DAAM2: variants seen among roughly 807,000 people sequenced by gnomAD.
DAAM2 encodes the protein dishevelled associated activator of morphogenesis 2.
In DAAM2, 39 loss-of-function variants were observed where a neutral mutation model predicts 120.7. The observed-to-expected ratio is 0.32, with a 90% confidence interval of 0.25 to 0.42. The LOEUF (loss-of-function observed/expected upper bound fraction) is 0.42, where lower values mean the gene tolerates loss of function less well. Among genes scored for constraint, DAAM2 ranks in the 10% least tolerant of loss-of-function variants. DAAM2 has a pLI of 1.00. For missense variants in DAAM2, 1,283 were observed against 1,401.7 expected, an observed-to-expected ratio of 0.92 and a Z score of 1.35; for synonymous variants, 488 against 524.9, an observed-to-expected ratio of 0.93 and a Z score of 0.96.
intron 1 of DAAM2, among the ~76,000 whole-genome samples, chr6:39,828,807 C>T (rs1231741469): frequency 4.6e-5 from 7 of 150,900 alleles, no homozygotes; most frequent in East Asian, 2.0e-4. Flanking sequence ...GTGATCTGCC[C>T]GCCTCTGCCT....
At chr6:39,799,179 A>C (rs1477036869) in intron 1 of DAAM2, among the ~76,000 whole-genome samples, 1 of 151,686 alleles carries the variant, frequency 6.6e-6, no homozygotes, top group Non-Finnish European at 1.5e-5. Context: ...CCTCCACAAC[A>C]CTTCTAGGGG....
intron 1 of DAAM2, among the ~76,000 whole-genome samples, chr6:39,814,704 G>C (rs1444846212): frequency 6.6e-6 from 1 of 152,186 alleles, no homozygotes; most frequent in African/African-American, 2.4e-5. Context: ...ACTCACCAAA[G>C]AACAAGGGGT....
chr6:39,818,339 C>T (rs949648579), intron 1 of DAAM2, among the ~76,000 whole-genome samples: 2 of 152,048 alleles, frequency 1.3e-5, no homozygotes, highest in Non-Finnish European at 2.9e-5. Flanking sequence ...AACACAAGGA[C>T]CCAGGAAGTA....
intron 1 of DAAM2, chr6:39,793,175 G>C (rs979381393): frequency 2.0e-5 from 3 of 152,474 alleles, no homozygotes; most frequent in African/African-American, 7.2e-5. Context: ...GAAGGAAGAG[G>C]GGGAGGTGGT....
chr6:39,853,020 G>T (rs146048184), intron 1 of DAAM2, among the ~76,000 whole-genome samples: 2 of 152,200 alleles, frequency 1.3e-5, no homozygotes, highest in African/African-American at 4.8e-5. Context: ...CTATGGCTAT[G>T]GGGGAGCTGA....
chr6:39,864,858 C>A, intron 4 of DAAM2, 122 bp from the exon 5 acceptor site: 4 of 1,235,420 alleles, frequency 3.2e-6, no homozygotes, highest in Non-Finnish European at 4.5e-6. Context: ...GACACTCGGT[C>A]TCAGTAAACC....
At chr6:39,863,518 G>A (rs529816332) in intron 3 of DAAM2, among the ~76,000 whole-genome samples, 164 of 152,232 alleles carry the variant, frequency 1.1e-3, no homozygotes, top group African/African-American at 3.8e-3. Flanking sequence ...GTCAGGGAGG[G>A]TCTGGAGGAA....
At chr6:39,880,912 A>C (rs1582727472) in intron 14 of DAAM2, among the ~76,000 whole-genome samples, 1 of 152,178 alleles carries the variant, frequency 6.6e-6, no homozygotes, top group South Asian at 2.1e-4. Context: ...AGAAAGACAA[A>C]CTGCACATGA....
intron 1 of DAAM2, chr6:39,821,047 C>T (rs1297522457): frequency 6.6e-6 from 1 of 152,230 alleles, no homozygotes; most frequent in East Asian, 1.9e-4. Flanking sequence ...AGGCTAGTGC[C>T]GAGTCACAGA....
chr6:39,856,214 C>A, intron 1 of DAAM2, 33 bp from the exon 2 acceptor site: 1 of 1,345,700 alleles, frequency 7.4e-7, no homozygotes, highest in Non-Finnish European at 9.6e-7. Context: ...TGACTGTATG[C>A]CTGACCACCC....
intron 16 of DAAM2, chr6:39,888,388 G>A (rs1188233248): frequency 8.9e-6 from 2 of 225,440 alleles, no homozygotes; most frequent in Admixed American, 1.1e-4. Flanking sequence ...CTGTCCCTTT[G>A]GTCTACATTG....
intron 1 of DAAM2, among the ~76,000 whole-genome samples, chr6:39,828,570 C>CTTTTTTTTTTTTTTTTTTT (rs1430820441): frequency 1.4e-5 from 2 of 142,554 alleles, no homozygotes; most frequent in Admixed American, 7.0e-5. Flanking sequence ...CCCCCTCCGT[C>CTTTTTTTTTTTTTTTTTTT]TTTTTTTTTT....
intron 1 of DAAM2, among the ~76,000 whole-genome samples, chr6:39,799,278 T>G (rs1761792327): frequency 6.6e-6 from 1 of 152,216 alleles, no homozygotes; most frequent in Admixed American, 6.5e-5. Flanking sequence ...GGGTTTTGTC[T>G]TCTGTAGGCT....
Position 39,810,838 on chromosome 6 carries a change from A to G in DAAM2, c.-57+18373A>G, listed in dbSNP as rs117066052. On this transcript the variant is annotated intron_variant, in intron 1 of 24. Coordinates refer to ENST00000274867, the MANE Select transcript of DAAM2 (RefSeq NM_001201427.2). ...GTTTCACCAAATCACACATACACCC[A>G]TCCTGTCCGAGGCTCTGCTTCTAGC... Among the ~76,000 whole-genome samples the G allele has an allele frequency of 8.5e-5, 13 of 152,108 alleles. No individual in the cohort carries two copies. In the East Asian group the frequency reaches 2.3e-3, roughly 27 times the overall value.
intron 10 of DAAM2, among the ~76,000 whole-genome samples, chr6:39,873,653 A>G (rs1764754805): frequency 6.6e-6 from 1 of 152,238 alleles, no homozygotes; most frequent in African/African-American, 2.4e-5. Context: ...CTTTCAGCTC[A>G]TGACGGGGGA....
Position 39,901,616 on chromosome 6 carries a change from G to C in DAAM2, c.2982+144G>C, listed in dbSNP as rs756173729. 5.6e-5 allele frequency: 61 copies of C among 1,089,554 alleles called. No homozygotes were observed. Among genetic ancestry groups the C allele is most frequent in the Non-Finnish European group, 6.9e-5 (54 of 781,836 alleles). The allele number at this position is 1,089,554 out of a possible 1,614,324, so 67.5% of individuals were successfully genotyped here. ...GGTTGGATGTCAGCCCCAGGAGAGAGAAACTTCTTCCCAGCCTGAGGGAAG... is the reference window on the plus strand; with the variant it reads ...GGTTGGATGTCAGCCCCAGGAGAGACAAACTTCTTCCCAGCCTGAGGGAAG... On this transcript the variant is annotated intron_variant, in intron 24 of 24. Transcript: ENST00000274867. This position sits in a 1 kb window ranked among gnomAD's most constrained non-coding sequence, Gnocchi z 4.5.
chr6:39,875,122 G>A (rs962623747), intron 10 of DAAM2, among the ~76,000 whole-genome samples: 2 of 152,128 alleles, frequency 1.3e-5, no homozygotes, highest in African/African-American at 4.8e-5. Context: ...TGACACATCC[G>A]TAGAAGTCTA....
chr6:39,819,643 A>T (rs778647976), intron 1 of DAAM2: 7 of 152,228 alleles, frequency 4.6e-5, no homozygotes, highest in Non-Finnish European at 1.0e-4. Flanking sequence ...TAGACTTTGG[A>T]TGATGTCTTA....
At chr6:39,900,909 A>C (rs1435126842) in intron 23 of DAAM2, among the ~76,000 whole-genome samples, 1 of 152,162 alleles carries the variant, frequency 6.6e-6, no homozygotes. Flanking sequence ...AGATTCTATT[A>C]TTCCCATTTG....
Sources: allele counts gnomAD v4.1 joint callset (sites outside exome capture counted in the v4.1 genomes callset), GRCh38; gene constraint gnomAD v4.1.1; non-coding constraint Gnocchi (gnomAD v3.1); transcripts MANE v1.5; gene names NCBI Gene and HGNC (gene_info 2026-07-23, HGNC 2026-07-21).